The following SAP130 variants were observed in gnomAD, a reference collection of about 807,000 sequenced individuals.
The protein encoded by SAP130 is histone deacetylase complex subunit SAP130.
A neutral mutation model predicts 103.2 loss-of-function variants in SAP130; 16 were observed. The observed-to-expected ratio is 0.16, with a 90% CI of 0.10 to 0.24. The LOEUF is 0.24. SAP130 is among the 10% of genes least tolerant of loss of function. SAP130 has a pLI of 1.00. For missense variants in SAP130, 990 were observed against 1,359.7 expected (o/e 0.73, Z 4.28); for synonymous variants, 477 against 497.0 (o/e 0.96, Z 0.53).
intron 2 of SAP130, among the ~76,000 whole-genome samples, chr2:128,022,604 A>C (rs1473387905): frequency 6.6e-6 from 1 of 152,186 alleles, no homozygotes; most frequent in East Asian, 1.9e-4. Flanking sequence ...TTTGCGCTAC[A>C]ACCATTCCAA....
chr2:128,016,197 A>G (rs1223121801), intron 4 of SAP130, among the ~76,000 whole-genome samples, 192 bp downstream of exon 4: 4 of 152,102 alleles, frequency 2.6e-5, no homozygotes, highest in Admixed American at 6.6e-5. Flanking sequence ...CTAAATGACC[A>G]CTATGGACAC....
Position 128,017,786 on chromosome 2 carries a change from A to G in SAP130, c.242T>C (p.Leu81Ser), listed in dbSNP as rs1684876772. The change falls in exon 3 of 21, where the codon TTG (leucine) becomes TCG (serine). Residue 81 changes from leucine to serine, a missense_variant. Physicochemically the swap from Leu to Ser is moderately radical, Grantham distance 145. Coordinates refer to ENST00000643581, the MANE Select transcript of SAP130 (RefSeq NM_001330301.2). ...VVRPYPQVQM[L>S]STHHAVASAT... is the part of the protein sequence containing the mutation. ...TGATGCGACAGCATGGTGTGTCGACAACATCTGCACCTGTGGATAGGGCCT... is the reference window on the plus strand; with the variant it reads ...TGATGCGACAGCATGGTGTGTCGACGACATCTGCACCTGTGGATAGGGCCT... The G allele has an allele frequency of 6.2e-7, 1 of 1,614,112 alleles. No homozygotes were observed. The highest frequency in any genetic ancestry group is 1.3e-5 in the African/African-American group (1 of 74,938).
In SAP130 at chr2:127,996,520, C is replaced by A; in HGVS notation, c.1214-29G>T. ...CAAACAGTAAATGCCAATTCCATGACCATTCTACACTTTTTTTTGGCATGC... is the reference window on the plus strand; with the variant it reads ...CAAACAGTAAATGCCAATTCCATGAACATTCTACACTTTTTTTTGGCATGC... On this transcript the variant is annotated intron_variant, in intron 10 of 20. Transcript: ENST00000643581. The surrounding 1 kb of genome is among the most constrained non-coding windows in gnomAD (Gnocchi z 4.3). 7.0e-7 allele frequency: 1 copy of A among 1,434,570 alleles called. No individual in the cohort carries two copies. The highest frequency in any genetic ancestry group is 1.5e-5 in the African/African-American group (1 of 68,916). The allele number at this position is 1,434,570 out of a possible 1,614,324, so 88.9% of individuals were successfully genotyped here. A position where few individuals can be genotyped will look rare whatever the true frequency, so the allele number is the denominator to read the frequency against.
In SAP130 at chr2:127,993,066, G is replaced by C. The variant is rs955436805; in HGVS notation, c.1477+121C>G. 21 of 1,247,694 alleles carry C rather than the reference G, an allele frequency of 1.7e-5. No individual in the cohort carries two copies. The South Asian group carries it at 1.9e-4, about 11-fold the overall frequency. 77.3% of individuals were successfully genotyped at this position (1,247,694 alleles called of 1,614,324 possible). A position where few individuals can be genotyped will look rare whatever the true frequency, so the allele number is the denominator to read the frequency against. On this transcript the variant is annotated intron_variant, in intron 12 of 20. Coordinates refer to ENST00000643581, the MANE Select transcript of SAP130 (RefSeq NM_001330301.2). ...GACCTTCAAGCTTCACATTTTATCT[G>C]AATCTGAAAACAGAAGCTGAAATAA...
Position 127,950,341 on chromosome 2 carries a change from C to T in SAP130, c.2490G>A (p.Met830Ile), listed in dbSNP as rs766722333. The T allele has an allele frequency of 5.6e-6, 9 of 1,614,166 alleles. No individual in the cohort carries two copies. Among genetic ancestry groups the T allele is most frequent in the Non-Finnish European group, 6.8e-6 (8 of 1,180,002 alleles). The stretch of plus-strand genomic sequence containing the variant: ...CACCAGGTGGTAGGTCACTTGTAGG[C>T]ATGGACAAGTTGTTTGCCAGCAATG... ...SLALLANNLS[M>I]PTSDLPPGAS... The change falls in exon 17 of 21, where the codon ATG becomes ATA. Residue 830 changes from methionine to isoleucine, a missense_variant. Physicochemically the swap from Met to Ile is conservative, Grantham distance 10. Transcript: ENST00000643581.
intron 16 of SAP130, among the ~76,000 whole-genome samples, chr2:127,952,221 G>A (rs1314823398): frequency 6.6e-6 from 1 of 152,084 alleles, no homozygotes; most frequent in East Asian, 1.9e-4. Flanking sequence ...GGGAGGCTGA[G>A]GCGGGCAGAT....
chr2:128,027,820 A>T, intron 1 of SAP130, 120 bp downstream of exon 1: 1 of 632,504 alleles, frequency 1.6e-6, no homozygotes, highest in Non-Finnish European at 2.0e-6. Flanking sequence ...GAGCCGCAGG[A>T]GACGAGGATC....
At position 127,986,949 on chromosome 2, in the gene SAP130, T is replaced by C; in HGVS notation, c.1794A>G (p.Ala598=). The change falls in exon 14 of 21, where the codon GCA becomes GCG. Residue 598 remains alanine (A), a synonymous_variant. Transcript: ENST00000643581. This position sits in a 1 kb window ranked among gnomAD's most constrained non-coding sequence, Gnocchi z 4.7. ...PEGKTSAVVL[A]DGATIVANPI... is the part of the protein sequence containing the mutation. ...GGTTGGCCACAATTGTGGCTCCATCTGCCAACACCACTGCTACAGGAGAGA... is the reference window on the plus strand; with the variant it reads ...GGTTGGCCACAATTGTGGCTCCATCCGCCAACACCACTGCTACAGGAGAGA... 1 of 1,612,788 alleles carries C rather than the reference T, an allele frequency of 6.2e-7. No individual in the cohort carries two copies. Among genetic ancestry groups the C allele is most frequent in the Non-Finnish European group, 8.5e-7 (1 of 1,178,876 alleles).
At chr2:127,963,656 G>C (rs1240705653) in intron 15 of SAP130, among the ~76,000 whole-genome samples, 1 of 152,134 alleles carries the variant, frequency 6.6e-6, no homozygotes, top group Non-Finnish European at 1.5e-5. Context: ...TATGTGTTAC[G>C]AGAGGGACCC....
At chr2:127,982,686 T>A (rs546415204) in intron 14 of SAP130, among the ~76,000 whole-genome samples, 2 of 152,214 alleles carry the variant, frequency 1.3e-5, no homozygotes, top group Non-Finnish European at 2.9e-5. Flanking sequence ...CTGCTGCAAT[T>A]TGCTGTACAT....
chr2:127,998,999 A>G (rs994260538), intron 10 of SAP130, among the ~76,000 whole-genome samples: 2 of 152,266 alleles, frequency 1.3e-5, no homozygotes, highest in South Asian at 4.1e-4. Context: ...CTAAACAGAT[A>G]CAAACAAAAC....
intron 15 of SAP130, among the ~76,000 whole-genome samples, chr2:127,970,481 C>T (rs1483748836): frequency 7.2e-6 from 1 of 138,296 alleles, no homozygotes; most frequent in African/African-American, 2.7e-5. Context: ...TTGGAGGTTG[C>T]AGTGAGCCGA....
chr2:128,026,096 T>C, intron 2 of SAP130, 85 bp downstream of exon 2: 1 of 889,356 alleles, frequency 1.1e-6, no homozygotes, highest in Non-Finnish European at 1.8e-6. Context: ...ACTAAAATCC[T>C]AGAAGAATCT....
chr2:128,019,256 ATTT>A (rs535222118), intron 2 of SAP130, among the ~76,000 whole-genome samples: 1 of 151,206 alleles, frequency 6.6e-6, no homozygotes, highest in Non-Finnish European at 1.5e-5. Flanking sequence ...CTATTTAAAA[ATTT>A]TTTTTAATTA....
rs772856433 is a variant in SAP130 at position 127,968,414 on chromosome 2, G to GT, written c.2063+9570dup. Among the ~76,000 whole-genome samples, 439 of 133,942 alleles carry GT rather than the reference G, an allele frequency of 3.3e-3. 4 individuals are homozygous for GT. The highest frequency in any genetic ancestry group is 9.2e-3 in the African/African-American group (317 of 34,370). The allele number at this position is 133,942 out of a possible 152,430, so 87.9% of individuals were successfully genotyped here. On this transcript the variant is annotated intron_variant, in intron 15 of 20. Coordinates refer to ENST00000643581, the MANE Select transcript of SAP130 (RefSeq NM_001330301.2). ...ACGTGAGCCACCATGCCCGGAGTTG[G>GT]TTTTTTTTTTTTTTTTTTTTTTTTA...
Position 127,942,200 on chromosome 2 carries a change from C to T in SAP130, c.3016-36G>A. ...AGACATTGCATCATCAATCAGTGAC[C>T]ATGAGGATAGTACAGCTTTTAAAAA... On this transcript the variant is annotated intron_variant, in intron 20 of 20. Coordinates refer to ENST00000643581, the MANE Select transcript of SAP130 (RefSeq NM_001330301.2). This position sits in a 1 kb window ranked among gnomAD's most constrained non-coding sequence, Gnocchi z 4.8. The T allele has an allele frequency of 6.4e-7, 1 of 1,558,348 alleles. No individual in the cohort carries two copies. Among genetic ancestry groups the T allele is most frequent in the Non-Finnish European group, 8.7e-7 (1 of 1,154,220 alleles).
At chr2:127,966,643 C>A (rs1238255891) in intron 15 of SAP130, among the ~76,000 whole-genome samples, 1 of 152,108 alleles carries the variant, frequency 6.6e-6, no homozygotes, top group Non-Finnish European at 1.5e-5. Flanking sequence ...GCGGAGGCGG[C>A]AGTGAGCTGA....
chr2:128,019,607 C>T (rs377422390), intron 2 of SAP130, among the ~76,000 whole-genome samples: 67 of 149,538 alleles, frequency 4.5e-4, no homozygotes, highest in African/African-American at 1.5e-3. Context: ...CAGTGGAGGC[C>T]GGGCGTGGTG....
At chr2:127,950,967 A>C (rs1026722970) in intron 16 of SAP130, among the ~76,000 whole-genome samples, 4 of 152,248 alleles carry the variant, frequency 2.6e-5, no homozygotes, top group African/African-American at 9.6e-5. Flanking sequence ...CAAAGGAGAT[A>C]ACAGGACCTT....
Sources: gnomAD v4.1 joint callset for allele counts (sites outside exome capture counted in the v4.1 genomes callset) on GRCh38, gnomAD v4.1.1 for gene constraint, Gnocchi (gnomAD v3.1) non-coding constraint, MANE v1.5 for transcripts, NCBI Gene and HGNC (gene_info 2026-07-23, HGNC 2026-07-21) for gene names.